PYHIN1: variants seen among roughly 807,000 people sequenced by gnomAD.
The protein encoded by PYHIN1 is pyrin and HIN domain family member 1.
A neutral mutation model predicts 43.7 loss-of-function variants in PYHIN1; 32 were observed. That is an observed-to-expected ratio of 0.73 (90% CI 0.55 to 0.98). PYHIN1 has a LOEUF of 0.98. Ranked by LOEUF, PYHIN1 falls within the 50% of genes least tolerant of loss-of-function variation. The pLI is 0.00. For synonymous variants in PYHIN1, 205 were observed against 203.1 expected, an observed-to-expected ratio of 1.01 and a Z score of -0.08; for missense variants, 588 against 589.5, an observed-to-expected ratio of 1.00 and a Z score of 0.03.
chr1:158,979,921 GCTT>G (rs1651430943), downstream of PYHIN1, among the ~76,000 whole-genome samples: 1 of 152,050 alleles, frequency 6.6e-6, no homozygotes, highest in Non-Finnish European at 1.5e-5. Context: ...TGTCTATTGT[GCTT>G]CTTTTTGTGT....
chr1:158,941,861 C>A lies in PYHIN1; in HGVS notation c.580-116C>A, dbSNP rs1229233878. On this transcript the variant is annotated intron_variant, in intron 4 of 8. Coordinates refer to ENST00000368140, the MANE Select transcript of PYHIN1 (RefSeq NM_152501.5). ...CTCCTTCCCTGTATCCTGGCCCCAGCTCTACACATCTACAACTTTTGGGGG... is the reference window on the plus strand; with the variant it reads ...CTCCTTCCCTGTATCCTGGCCCCAGATCTACACATCTACAACTTTTGGGGG... The A allele has an allele frequency of 2.0e-5, 18 of 896,576 alleles. No homozygotes were observed. The African/African-American group carries it at 2.6e-4, about 13-fold the overall frequency. 55.5% of individuals were successfully genotyped at this position (896,576 alleles called of 1,614,324 possible).
chr1:158,937,144 T>C lies in PYHIN1; in HGVS notation c.234T>C (p.Leu78=). 1 of 1,600,862 alleles carries C rather than the reference T, an allele frequency of 6.2e-7. No individual in the cohort carries two copies. The highest frequency in any genetic ancestry group is 8.5e-7 in the Non-Finnish European group (1 of 1,175,518). Residue 78 remains leucine, a synonymous_variant, in exon 2 of 9, where the codon CTT becomes CTC. Coordinates refer to ENST00000368140, the MANE Select transcript of PYHIN1 (RefSeq NM_152501.5). The stretch of plus-strand genomic sequence containing the variant: ...AAGAAATACCAACACTGGGAGACCT[T>C]GCTGAAACTCTTAAAAGAGAAAAGT... ...FFKEIPTLGD[L]AETLKREKLK...
intron 7 of PYHIN1, among the ~76,000 whole-genome samples, chr1:158,968,573 AC>A (rs1243437317): frequency 6.6e-6 from 1 of 152,106 alleles, no homozygotes; most frequent in Non-Finnish European, 1.5e-5. Context: ...CTCCCATTTG[AC>A]CCAGCAATCC....
chr1:158,931,897 T>C (rs1648185822), intron 1 of PYHIN1, 121 bp downstream of exon 1: 1 of 152,200 alleles, frequency 6.6e-6, no homozygotes, highest in African/African-American at 2.4e-5. Flanking sequence ...GTAGGGCTGG[T>C]ATCAACTATA....
intron 8 of PYHIN1, among the ~76,000 whole-genome samples, chr1:158,975,403 T>A (rs576129674): frequency 2.6e-5 from 4 of 152,210 alleles, no homozygotes; most frequent in East Asian, 3.9e-4. Flanking sequence ...AATTACTATA[T>A]GGGAAAAAAC....
rs976967299 is a variant in PYHIN1 at position 158,937,233 on chromosome 1, G to A, written c.265+58G>A. On this transcript the variant is annotated intron_variant, in intron 2 of 8. Coordinates refer to ENST00000368140, the MANE Select transcript of PYHIN1 (RefSeq NM_152501.5). ...AATGATCCCCACCCTTCCCAACCTT[G>A]ATTAGAACGCCACCTTGGTCGTAGC... The A allele has an allele frequency of 2.0e-6, 3 of 1,495,644 alleles. No homozygotes were observed. In the African/African-American group the frequency reaches 4.2e-5, roughly 21 times the overall value. The allele number at this position is 1,495,644 out of a possible 1,614,324, so 92.6% of individuals were successfully genotyped here. A position where few individuals can be genotyped will look rare whatever the true frequency, so the allele number is the denominator to read the frequency against.
chr1:158,953,669 C>T (rs1377081930), intron 7 of PYHIN1, among the ~76,000 whole-genome samples: 1 of 152,112 alleles, frequency 6.6e-6, no homozygotes, highest in Non-Finnish European at 1.5e-5. Context: ...AACAGAAAAA[C>T]TGGAAACTCT....
the PYHIN1 span, among the ~76,000 whole-genome samples, chr1:158,987,325 T>G: frequency 6.6e-6 from 1 of 152,360 alleles, no homozygotes; most frequent in Non-Finnish European, 1.5e-5. Context: ...ATGTCAAGCA[T>G]TTTCAAAAAT....
At chr1:158,965,934 T>G (rs2101720421) in intron 7 of PYHIN1, among the ~76,000 whole-genome samples, 1 of 151,188 alleles carries the variant, frequency 6.6e-6, no homozygotes, top group African/African-American at 2.4e-5. Context: ...CAGACAAAGA[T>G]CAACGAATCC....
intron 7 of PYHIN1, among the ~76,000 whole-genome samples, chr1:158,950,355 A>G (rs1167540833): frequency 1.3e-5 from 2 of 152,138 alleles, no homozygotes. Flanking sequence ...TCCCCCAGGT[A>G]ATGTCCGGGG....
downstream of PYHIN1, among the ~76,000 whole-genome samples, chr1:158,977,557 A>G (rs905784759): frequency 7.2e-5 from 11 of 152,140 alleles, no homozygotes; most frequent in African/African-American, 1.4e-4. Context: ...GCCCAGGCAG[A>G]CAGTTAACTT....
In PYHIN1 at chr1:158,936,906, T is replaced by C. The variant is rs2101644562; in HGVS notation, c.-5T>C. ...TCTCTTGCAGGCTCACTTATATCTT[T>C]AGAGATGGCAAATAACTACAAGAAA... On this transcript the variant is annotated 5_prime_UTR_variant, in exon 2 of 9. Transcript: ENST00000368140. The C allele has an allele frequency of 6.4e-7, 1 of 1,570,306 alleles. No homozygotes were observed.
downstream of PYHIN1, among the ~76,000 whole-genome samples, chr1:158,980,257 T>C (rs750823536): frequency 5.3e-5 from 8 of 152,166 alleles, no homozygotes; most frequent in Admixed American, 1.3e-4. Context: ...TCAGGACCAC[T>C]GTGATAATTG....
chr1:158,981,856 A>C (rs1102016), downstream of PYHIN1, among the ~76,000 whole-genome samples: 100,203 of 152,070 alleles, frequency 0.66, 35,659 homozygotes, highest in Non-Finnish European at 0.79. Context: ...GTGAGCTGGT[A>C]TCTCCCTGTA....
chr1:158,942,338 T>A lies in PYHIN1; in HGVS notation c.941T>A (p.Ile314Asn). ...IIRRAKKIPK[I>N]NILHKQTSGY... ...AGAAGAGCAAAGAAAATTCCGAAGATCAATATTCTTCACAAACAAACTTCA... is the reference window on the plus strand; with the variant it reads ...AGAAGAGCAAAGAAAATTCCGAAGAACAATATTCTTCACAAACAAACTTCA... The change falls in exon 5 of 9, where the codon ATC (isoleucine) becomes AAC (asparagine). Residue 314 changes from isoleucine to asparagine, a missense_variant. Physicochemically the swap from Ile to Asn is moderately radical, Grantham distance 149 (BLOSUM62 -3). Coordinates refer to ENST00000368140, the MANE Select transcript of PYHIN1 (RefSeq NM_152501.5). 6.2e-7 allele frequency: 1 copy of A among 1,612,434 alleles called. No individual in the cohort carries two copies. The highest frequency in any genetic ancestry group is 8.5e-7 in the Non-Finnish European group (1 of 1,179,450).
intron 7 of PYHIN1, among the ~76,000 whole-genome samples, chr1:158,949,415 G>A (rs911432339): frequency 5.9e-5 from 9 of 151,984 alleles, no homozygotes; most frequent in Admixed American, 5.9e-4. Flanking sequence ...AAGTTTTAGG[G>A]TACATGGGCA....
chr1:158,953,116 C>T (rs1031851000), intron 7 of PYHIN1, among the ~76,000 whole-genome samples: 1 of 152,190 alleles, frequency 6.6e-6, no homozygotes. Flanking sequence ...CCACGGGTCT[C>T]GCTGATTGCT....
chr1:158,984,071 T>C, the PYHIN1 span, among the ~76,000 whole-genome samples: 10,073 of 146,252 alleles, frequency 0.069, 434 homozygotes, highest in Admixed American at 0.1. Context: ...TAGTGGTCTA[T>C]ATATCTTATT....
At chr1:158,937,301 A>G (rs1365411962) in intron 2 of PYHIN1, 126 bp downstream of exon 2, 4 of 1,026,658 alleles carry the variant, frequency 3.9e-6, no homozygotes, top group Admixed American at 5.2e-5. Context: ...GGCCATGGCA[A>G]TGTTGGTACT....
Sources: gnomAD v4.1 joint callset for allele counts (sites outside exome capture counted in the v4.1 genomes callset) on GRCh38, gnomAD v4.1.1 for gene constraint, MANE v1.5 for transcripts, NCBI Gene and HGNC (gene_info 2026-07-23, HGNC 2026-07-21) for gene names.